CAPN9: variants seen among roughly 807,000 people sequenced by gnomAD.
The protein encoded by CAPN9 is calpain 9, also known as calpain-9.
Under a neutral mutation model 92.8 loss-of-function variants are expected in CAPN9, and 81 were observed. The observed-to-expected ratio is 0.87, with a 90% CI of 0.73 to 1.05. The LOEUF (loss-of-function observed/expected upper bound fraction) is 1.05. Ranked by LOEUF, CAPN9 falls within the 50% of genes least tolerant of loss-of-function variation. CAPN9 has a pLI of 0.00. For synonymous variants in CAPN9, 304 were observed against 328.0 expected, an observed-to-expected ratio of 0.93 and a Z score of 0.79; for missense variants, 848 against 866.2, an observed-to-expected ratio of 0.98 and a Z score of 0.26.
intron 4 of CAPN9, among the ~76,000 whole-genome samples, chr1:230,763,913 G>A (rs1665800109): frequency 6.6e-6 from 1 of 152,228 alleles, no homozygotes; most frequent in South Asian, 2.1e-4. Flanking sequence ...AGTCCAGTGG[G>A]TGGGACCCAA....
At position 230,795,248 on chromosome 1, in the gene CAPN9, C is replaced by A. The variant is rs374413432; in HGVS notation, c.1956C>A (p.Leu652=). 4.3e-6 allele frequency: 7 copies of A among 1,612,710 alleles called. No individual in the cohort carries two copies. The Admixed American group carries it at 1.2e-4, about 27-fold the overall frequency. ...TCCAGCTGGACTTCGATGACTTCCT[C>A]AACTGCCTGGTCCGGCTGGAGAATG... ...EELQLDFDDF[L]NCLVRLENAS... is the part of the protein sequence containing the mutation. The change falls in exon 18 of 20, where the codon CTC becomes CTA. Residue 652 remains leucine (L), a synonymous_variant. Transcript: ENST00000271971.
chr1:230,783,444 G>A (rs1667365748), intron 11 of CAPN9, among the ~76,000 whole-genome samples: 1 of 152,158 alleles, frequency 6.6e-6, no homozygotes, highest in Non-Finnish European at 1.5e-5. Context: ...TCATGGCTTG[G>A]TGCTATCCTC....
At chr1:230,770,508 T>A (rs1027735049) in intron 6 of CAPN9, among the ~76,000 whole-genome samples, 17 of 152,068 alleles carry the variant, frequency 1.1e-4, no homozygotes, top group African/African-American at 4.1e-4. Context: ...CCAGTCAAGT[T>A]GACACATAAA....
At position 230,792,411 on chromosome 1, in the gene CAPN9, AC is replaced by A; in HGVS notation, c.1723-12del. Reference sequence around the variant, plus strand: ...TGAAACACTGCTCATGTCTCCCTTAACCCACATGGCACAGACCAGCGGCAAT... The same window carrying A: ...TGAAACACTGCTCATGTCTCCCTTAACCACATGGCACAGACCAGCGGCAAT... On this transcript the variant is annotated splice_polypyrimidine_tract_variant and intron_variant, in intron 15 of 19. Transcript: ENST00000271971. 1 of 1,612,146 alleles carries A rather than the reference AC, an allele frequency of 6.2e-7. No individual in the cohort carries two copies. Among genetic ancestry groups the A allele is most frequent in the South Asian group, 1.1e-5 (1 of 91,032 alleles).
At chr1:230,799,062 C>T (rs369623726) in intron 19 of CAPN9, among the ~76,000 whole-genome samples, 1 of 152,222 alleles carries the variant, frequency 6.6e-6, no homozygotes, top group East Asian at 1.9e-4. Flanking sequence ...TCTGCTTTCT[C>T]TTCTACCTAA....
intron 1 of CAPN9, 133 bp downstream of exon 1, chr1:230,747,842 C>T (rs377398928): frequency 1.7e-5 from 13 of 787,350 alleles, no homozygotes; most frequent in South Asian, 6.6e-5. Context: ...CCCAGTCTAC[C>T]GTGGAAAGCT....
At position 230,756,049 on chromosome 1, in the gene CAPN9, A is replaced by G. The variant is rs529085079; in HGVS notation, c.283+643A>G. 5.9e-5 allele frequency among the ~76,000 whole-genome samples: 9 copies of G among 151,906 alleles called. No individual in the cohort carries two copies. The East Asian group carries it at 1.7e-3, about 29-fold the overall frequency. The stretch of plus-strand genomic sequence containing the variant: ...ACTGGGCTGGGTTTACCTTTGTTCT[A>G]TCTATGAAAGACAGAGAAAGTGAGA... On this transcript the variant is annotated intron_variant, in intron 2 of 19. Coordinates refer to ENST00000271971, the MANE Select transcript of CAPN9 (RefSeq NM_006615.3).
chr1:230,790,177 G>A lies in CAPN9; in HGVS notation c.1645G>A (p.Val549Met), dbSNP rs1667882487. 6.2e-7 allele frequency: 1 copy of A among 1,614,146 alleles called. No homozygotes were observed. The highest frequency in any genetic ancestry group is 1.1e-5 in the South Asian group (1 of 91,078). ...AEELEYVLNA[V>M]LQKKKDIKFK... ...GGAACTTGAGTATGTTTTAAATGCTGTGCTGCAAAAGAGTAAGTGCCAACC... is the reference window on the plus strand; with the variant it reads ...GGAACTTGAGTATGTTTTAAATGCTATGCTGCAAAAGAGTAAGTGCCAACC... The change falls in exon 14 of 20, where the codon GTG becomes ATG. Residue 549 changes from valine to methionine, a missense_variant. Val to Met is a conservative substitution (Grantham distance 21). Coordinates refer to ENST00000271971, the MANE Select transcript of CAPN9 (RefSeq NM_006615.3).
At chr1:230,751,900 G>A (rs1174270394) in intron 1 of CAPN9, among the ~76,000 whole-genome samples, 2 of 151,250 alleles carry the variant, frequency 1.3e-5, no homozygotes, top group East Asian at 2.0e-4. Flanking sequence ...TGCCTCCCTC[G>A]GGGCTTCAGG....
chr1:230,752,019 C>A (rs1016147669), intron 1 of CAPN9, among the ~76,000 whole-genome samples: 1 of 152,144 alleles, frequency 6.6e-6, no homozygotes, highest in African/African-American at 2.4e-5. Flanking sequence ...CATGGCCTCC[C>A]AAGCAACATT....
At chr1:230,766,053 G>A (rs189527997) in intron 4 of CAPN9, among the ~76,000 whole-genome samples, 46 of 151,922 alleles carry the variant, frequency 3.0e-4, no homozygotes, top group African/African-American at 1.1e-3. Flanking sequence ...TTACCTCTCC[G>A]GTCTTCCTTC....
chr1:230,780,788 G>T (rs1282006143), intron 11 of CAPN9, 80 bp downstream of exon 11: 1 of 1,098,992 alleles, frequency 9.1e-7, no homozygotes, highest in Non-Finnish European at 1.4e-6. Context: ...AACTGCTGGA[G>T]CCAAGACTCC....
chr1:230,758,396 AG>A (rs1173674294), intron 2 of CAPN9, among the ~76,000 whole-genome samples: 1 of 152,178 alleles, frequency 6.6e-6, no homozygotes, highest in Non-Finnish European at 1.5e-5. Flanking sequence ...TGCAGGTTCC[AG>A]CCATGTCACT....
At chr1:230,793,466 G>T (rs966179070) in intron 17 of CAPN9, among the ~76,000 whole-genome samples, 4 of 152,164 alleles carry the variant, frequency 2.6e-5, no homozygotes, top group Non-Finnish European at 5.9e-5. Flanking sequence ...TTACCCAAAG[G>T]CTGGGCTCCA....
intron 1 of CAPN9, among the ~76,000 whole-genome samples, chr1:230,749,382 A>G (rs1320852936): frequency 6.6e-6 from 1 of 152,160 alleles, no homozygotes; most frequent in East Asian, 1.9e-4. Context: ...TAAAAGAGTG[A>G]CCCTCTGAGG....
chr1:230,774,739 C>CTTTCTTTCTT (rs1479419451), intron 8 of CAPN9, 108 bp downstream of exon 8: 2 of 386,392 alleles, frequency 5.2e-6, no homozygotes, highest in African/African-American at 5.3e-5. Context: ...TTCTTTCTTT[C>CTTTCTTTCTT]TTTTTTTTTT....
intron 4 of CAPN9, among the ~76,000 whole-genome samples, chr1:230,764,215 T>C (rs1405831710): frequency 6.6e-6 from 1 of 152,222 alleles, no homozygotes; most frequent in Non-Finnish European, 1.5e-5. Flanking sequence ...ATCAGTAGAC[T>C]GAGTAAAGAG....
intron 1 of CAPN9, among the ~76,000 whole-genome samples, chr1:230,749,164 G>A (rs1306400607): frequency 3.3e-5 from 5 of 152,172 alleles, no homozygotes; most frequent in Non-Finnish European, 4.4e-5. Context: ...TGGCCCTATC[G>A]GAGTTGGGGT....
intron 9 of CAPN9, among the ~76,000 whole-genome samples, chr1:230,779,815 A>G (rs1364896197): frequency 6.6e-6 from 1 of 152,224 alleles, no homozygotes; most frequent in African/African-American, 2.4e-5. Flanking sequence ...CCAGGGGGAC[A>G]ACCAGAAGTC....
Sources: allele counts gnomAD v4.1 joint callset (sites outside exome capture counted in the v4.1 genomes callset), GRCh38; gene constraint gnomAD v4.1.1; transcripts MANE v1.5; gene names NCBI Gene and HGNC (gene_info 2026-07-23, HGNC 2026-07-21).